The following PERP variants were observed in gnomAD, a reference collection of about 807,000 sequenced individuals.
PERP encodes the protein p53 apoptosis effector related to PMP22, also known as p53 apoptosis effector related to PMP-22.
Under a neutral mutation model 20.3 loss-of-function variants are expected in PERP, and 11 were observed. The observed-to-expected ratio is 0.54, with a 90% CI of 0.34 to 0.90. The LOEUF (loss-of-function observed/expected upper bound fraction) is 0.90, where lower values mean the gene tolerates loss of function less well. Ranked by LOEUF, PERP falls within the 40% of genes least tolerant of loss-of-function variation. The probability of loss-of-function intolerance (pLI) is 0.02; values close to 1 mark genes in which losing one functional copy is unlikely to be tolerated. For missense variants in PERP, 224 were observed against 249.4 expected, an observed-to-expected ratio of 0.90 and a Z score of 0.69; for synonymous variants, 101 against 102.0, an observed-to-expected ratio of 0.99 and a Z score of 0.06.
intron 2 of PERP, among the ~76,000 whole-genome samples, chr6:138,093,137 A>G (rs2114329581): frequency 6.6e-6 from 1 of 152,328 alleles, no homozygotes; most frequent in East Asian, 1.9e-4. Context: ...GATTTTATAA[A>G]GCTACAATGA....
At chr6:138,106,903 C>CTTT (rs577977770) in intron 1 of PERP, among the ~76,000 whole-genome samples, 5 of 134,450 alleles carry the variant, frequency 3.7e-5, no homozygotes, top group African/African-American at 5.6e-5. Context: ...GAACTACGGC[C>CTTT]TTTTTTTTTT....
At chr6:138,098,730 T>C (rs576626685) in intron 1 of PERP, among the ~76,000 whole-genome samples, 55 of 152,280 alleles carry the variant, frequency 3.6e-4, no homozygotes, top group African/African-American at 1.2e-3. Context: ...TGGGGCACAA[T>C]AGATTATTAA....
intron 2 of PERP, 53 bp from the exon 3 acceptor site, chr6:138,092,321 T>A: frequency 7.7e-6 from 11 of 1,427,028 alleles, no homozygotes; most frequent in Non-Finnish European, 1.1e-5. Context: ...CATGAAGGAA[T>A]AAATACACAT....
chr6:138,103,327 T>C (rs770280974), intron 1 of PERP, among the ~76,000 whole-genome samples: 1 of 151,930 alleles, frequency 6.6e-6, no homozygotes, highest in Non-Finnish European at 1.5e-5. Context: ...TTTTTTTGTA[T>C]TTTTAGTAGA....
chr6:138,095,796 A>G (rs1775678760), intron 2 of PERP, among the ~76,000 whole-genome samples: 1 of 152,184 alleles, frequency 6.6e-6, no homozygotes, highest in Admixed American at 6.5e-5. Context: ...GCACACCTGA[A>G]TAACTAAATT....
At position 138,092,045 on chromosome 6, in the gene PERP, G is replaced by A; in HGVS notation, c.579C>T (p.Ala193=). 1 of 1,612,970 alleles carries A rather than the reference G, an allele frequency of 6.2e-7. No homozygotes were observed. The highest frequency in any genetic ancestry group is 8.5e-7 in the Non-Finnish European group (1 of 1,179,178). ...TTCTCCCACATTCATTCCCAAGTTAGGCAGATGTGTAGAAGTACCTGGGCT... is the reference window on the plus strand; with the variant it reads ...TTCTCCCACATTCATTCCCAAGTTAAGCAGATGTGTAGAAGTACCTGGGCT... ...NAKPRYFYTS[A] Residue 193 remains alanine (A), a synonymous_variant, in exon 3 of 3, where the codon GCC becomes GCT. Coordinates refer to ENST00000421351, the MANE Select transcript of PERP (RefSeq NM_022121.5).
At chr6:138,102,056 C>T (rs1775782490) in intron 1 of PERP, among the ~76,000 whole-genome samples, 1 of 152,108 alleles carries the variant, frequency 6.6e-6, no homozygotes, top group Non-Finnish European at 1.5e-5. Flanking sequence ...AAAAAGACAC[C>T]ATTCTGCAGA....
At chr6:138,104,973 A>C (rs1775822575) in intron 1 of PERP, among the ~76,000 whole-genome samples, 1 of 151,934 alleles carries the variant, frequency 6.6e-6, no homozygotes, top group Non-Finnish European at 1.5e-5. Context: ...AAAACTAGAC[A>C]ATGTGCATGC....
At position 138,090,551 on chromosome 6, in the gene PERP, G is replaced by A. The variant is rs1775562190; in HGVS notation, c.*1491C>T. 1 of 152,102 alleles carries A rather than the reference G, an allele frequency of 6.6e-6. No homozygotes were observed. The highest frequency in any genetic ancestry group is 2.4e-5 in the African/African-American group (1 of 41,400). 9.4% of individuals were successfully genotyped at this position (152,102 alleles called of 1,614,324 possible). A position where few individuals can be genotyped will look rare whatever the true frequency, so the allele number is the denominator to read the frequency against. On this transcript the variant is annotated 3_prime_UTR_variant, in exon 3 of 3. Coordinates refer to ENST00000421351, the MANE Select transcript of PERP (RefSeq NM_022121.5). ...TAGCACTGCAGAGAAATTGTTTAAT[G>A]TGTGTCTAGGGTATTGTTCATTGAG...
At chr6:138,101,387 G>A (rs551493706) in intron 1 of PERP, among the ~76,000 whole-genome samples, 1 of 152,282 alleles carries the variant, frequency 6.6e-6, no homozygotes, top group South Asian at 2.1e-4. Flanking sequence ...AGTCAAGCTA[G>A]AAATGATAAA....
intron 1 of PERP, among the ~76,000 whole-genome samples, chr6:138,098,633 G>C (rs985048810): frequency 2.0e-5 from 3 of 152,102 alleles, no homozygotes; most frequent in Non-Finnish European, 4.4e-5. Context: ...CTTTTCATCT[G>C]TTAGAGACAA....
Position 138,091,206 on chromosome 6 carries a change from A to G in PERP, c.*836T>C, listed in dbSNP as rs561322596. On this transcript the variant is annotated 3_prime_UTR_variant, in exon 3 of 3. Transcript: ENST00000421351. Reference sequence around the variant, plus strand: ...GACCCTCCTAATGCTTTACTACACAACTTAACCAGATCTATCAGTCATGAT... The same window carrying G: ...GACCCTCCTAATGCTTTACTACACAGCTTAACCAGATCTATCAGTCATGAT... 53 of 152,302 alleles carry G rather than the reference A, an allele frequency of 3.5e-4. No individual in the cohort carries two copies. Among genetic ancestry groups the G allele is most frequent in the African/African-American group, 1.2e-3 (50 of 41,582 alleles). The allele number at this position is 152,302 out of a possible 1,614,324, so 9.4% of individuals were successfully genotyped here.
At chr6:138,097,878 C>T (rs1473938045) in intron 1 of PERP, among the ~76,000 whole-genome samples, 1 of 152,164 alleles carries the variant, frequency 6.6e-6, no homozygotes, top group Admixed American at 6.5e-5. Flanking sequence ...AAAGAAACCC[C>T]GTGCCCATTA....
chr6:138,100,961 G>A (rs543787141), intron 1 of PERP, among the ~76,000 whole-genome samples: 1 of 152,152 alleles, frequency 6.6e-6, no homozygotes, highest in Non-Finnish European at 1.5e-5. Context: ...GTTTCTGTAT[G>A]ACAAAGCATG....
Position 138,107,136 on chromosome 6 carries a change from T to C in PERP, c.205A>G (p.Met69Val), listed in dbSNP as rs763166031. The C allele has an allele frequency of 1.9e-6, 3 of 1,607,372 alleles. No individual in the cohort carries two copies. Among genetic ancestry groups the C allele is most frequent in the Non-Finnish European group, 2.5e-6 (3 of 1,177,674 alleles). Residue 69 changes from methionine (M) to valine (V), a missense_variant, in exon 1 of 3, where the codon ATG becomes GTG. Met to Val is a conservative substitution (Grantham distance 21). Coordinates refer to ENST00000421351, the MANE Select transcript of PERP (RefSeq NM_022121.5). This position sits in a 1 kb window ranked among gnomAD's most constrained non-coding sequence, Gnocchi z 4.8. ...GSYEEGCQSL[M>V]EYAWGRAAAA... ...GGCGGCGGGCACTCACCGTACTCCA[T>C]GAGGCTCTGACAGCCCTCCTCGTAG...
chr6:138,096,266 A>G, intron 2 of PERP, 88 bp downstream of exon 2: 1 of 1,473,682 alleles, frequency 6.8e-7, no homozygotes, highest in Non-Finnish European at 9.2e-7. Context: ...AAACTGTAAC[A>G]GTCACGGGTC....
chr6:138,094,982 A>T (rs537161105), intron 2 of PERP, among the ~76,000 whole-genome samples: 1 of 152,270 alleles, frequency 6.6e-6, no homozygotes, highest in East Asian at 1.9e-4. Context: ...CAGCTTCCCA[A>T]AGTGCTAGGA....
chr6:138,090,166 AT>A lies in PERP; in HGVS notation c.*1875del, dbSNP rs1286382807. ...ATTTTGGTATAATCACCCAGATTAC[AT>A]TTCTCTATGAGAAACATTCACCTCG... On this transcript the variant is annotated 3_prime_UTR_variant, in exon 3 of 3. Coordinates refer to ENST00000421351, the MANE Select transcript of PERP (RefSeq NM_022121.5). 6.6e-6 allele frequency: 1 copy of A among 152,140 alleles called. No homozygotes were observed. The highest frequency in any genetic ancestry group is 1.5e-5 in the Non-Finnish European group (1 of 68,028). 9.4% of individuals were successfully genotyped at this position (152,140 alleles called of 1,614,324 possible). A position where few individuals can be genotyped will look rare whatever the true frequency, so the allele number is the denominator to read the frequency against.
rs997566027 is a variant in PERP at position 138,089,399 on chromosome 6, C to G, written c.*2643G>C. 4.6e-5 allele frequency: 7 copies of G among 152,148 alleles called. No individual in the cohort carries two copies. The highest frequency in any genetic ancestry group is 1.0e-4 in the Non-Finnish European group (7 of 68,028). 9.4% of individuals were successfully genotyped at this position (152,148 alleles called of 1,614,324 possible). A position where few individuals can be genotyped will look rare whatever the true frequency, so the allele number is the denominator to read the frequency against. Reference sequence around the variant, plus strand: ...CTATGGTTTTGAAGCTAAGTTATTACACACAAGCTACCTTGTGTGAACATG... The same window carrying G: ...CTATGGTTTTGAAGCTAAGTTATTAGACACAAGCTACCTTGTGTGAACATG... On this transcript the variant is annotated 3_prime_UTR_variant, in exon 3 of 3. Coordinates refer to ENST00000421351, the MANE Select transcript of PERP (RefSeq NM_022121.5).
Sources: allele counts gnomAD v4.1 joint callset (sites outside exome capture counted in the v4.1 genomes callset), GRCh38; gene constraint gnomAD v4.1.1; non-coding constraint Gnocchi (gnomAD v3.1); transcripts MANE v1.5; gene names NCBI Gene and HGNC (gene_info 2026-07-23, HGNC 2026-07-21).